Variants in ARMH3 observed in about 807,000 individuals in gnomAD.
ARMH3 encodes the protein armadillo-like helical domain-containing protein 3.
Under a neutral mutation model 99.1 loss-of-function variants are expected in ARMH3, and 60 were observed. The observed-to-expected ratio is 0.61, with a 90% confidence interval of 0.49 to 0.75. The LOEUF (loss-of-function observed/expected upper bound fraction) is 0.75. ARMH3 is among the 30% of genes least tolerant of loss of function. The pLI, the probability that ARMH3 is intolerant of heterozygous loss-of-function variation, is 0.00. For synonymous variants in ARMH3, 285 were observed against 292.8 expected (o/e 0.97, Z 0.27); for missense variants, 679 against 843.1 (o/e 0.81, Z 2.41).
At chr10:101,984,632 A>G (rs1274405701) in intron 19 of ARMH3, among the ~76,000 whole-genome samples, 5 of 152,036 alleles carry the variant, frequency 3.3e-5, no homozygotes, top group Non-Finnish European at 7.4e-5. Flanking sequence ...ATCTATCCAC[A>G]TCCACTCCAG....
intron 13 of ARMH3, among the ~76,000 whole-genome samples, chr10:102,008,525 A>G (rs554629417): frequency 2.7e-5 from 4 of 150,740 alleles, no homozygotes; most frequent in Non-Finnish European, 4.4e-5. Flanking sequence ...TTGTTTTTTT[A>G]TTTTGTTTTA....
intron 10 of ARMH3, among the ~76,000 whole-genome samples, chr10:102,012,420 G>A (rs748743684): frequency 6.6e-6 from 1 of 152,102 alleles, no homozygotes. Context: ...TGTCAAACTA[G>A]GGCTACCTAA....
At chr10:102,026,494 A>G (rs1269704233) in intron 5 of ARMH3, among the ~76,000 whole-genome samples, 1 of 152,186 alleles carries the variant, frequency 6.6e-6, no homozygotes, top group Non-Finnish European at 1.5e-5. Flanking sequence ...ACCCCTCAGG[A>G]GTGAGTTATA....
chr10:101,853,995 C>T (rs1370522984), intron 24 of ARMH3, among the ~76,000 whole-genome samples: 2 of 152,168 alleles, frequency 1.3e-5, no homozygotes, highest in Admixed American at 1.3e-4. Context: ...TGCCTGTAAT[C>T]CCAGCTACTC....
At chr10:101,971,457 G>C (rs999925287) in intron 20 of ARMH3, among the ~76,000 whole-genome samples, 2 of 151,994 alleles carry the variant, frequency 1.3e-5, no homozygotes. Context: ...TTAAGTCCCA[G>C]CTACTTGGGG....
At chr10:102,037,565 ATTTAT>A (rs1022809129) in intron 2 of ARMH3, among the ~76,000 whole-genome samples, 2 of 151,338 alleles carry the variant, frequency 1.3e-5, no homozygotes, top group African/African-American at 4.9e-5. Flanking sequence ...TAAATTAATT[ATTTAT>A]TTTATTTATT....
intron 8 of ARMH3, among the ~76,000 whole-genome samples, chr10:102,020,405 G>A (rs189992539): frequency 1.1e-4 from 16 of 151,990 alleles, no homozygotes; most frequent in Admixed American, 5.9e-4. Flanking sequence ...GGCCGGGCGC[G>A]GTGGCTCACA....
chr10:102,023,406 G>T, intron 8 of ARMH3, 71 bp downstream of exon 8: 2 of 1,367,834 alleles, frequency 1.5e-6, no homozygotes, highest in Non-Finnish European at 2.0e-6. Flanking sequence ...ATTAAGCAAA[G>T]TCCTTTAGGA....
chr10:102,017,151 T>G (rs2066767735), intron 8 of ARMH3, among the ~76,000 whole-genome samples: 1 of 152,240 alleles, frequency 6.6e-6, no homozygotes, highest in Non-Finnish European at 1.5e-5. Flanking sequence ...CACTGCCTCA[T>G]GCTAGTTTGC....
chr10:101,909,926 T>C (rs1274533515), intron 23 of ARMH3, among the ~76,000 whole-genome samples: 1 of 152,174 alleles, frequency 6.6e-6, no homozygotes, highest in Non-Finnish European at 1.5e-5. Context: ...TTTGGGTACT[T>C]TGGGTAAAAT....
At chr10:102,045,509 G>GGAAT (rs1468400800) in intron 1 of ARMH3, among the ~76,000 whole-genome samples, 1 of 152,144 alleles carries the variant, frequency 6.6e-6, no homozygotes, top group African/African-American at 2.4e-5. Flanking sequence ...TGTTCGAGAT[G>GGAAT]GAATGTCAAG....
chr10:101,856,853 C>T (rs940595521), intron 24 of ARMH3, among the ~76,000 whole-genome samples: 2 of 152,170 alleles, frequency 1.3e-5, no homozygotes, highest in African/African-American at 4.8e-5. Context: ...CTTGCTTCTC[C>T]TTCCCATAAT....
At chr10:101,950,287 T>C (rs549343654) in intron 22 of ARMH3, among the ~76,000 whole-genome samples, 3 of 152,214 alleles carry the variant, frequency 2.0e-5, no homozygotes, top group African/African-American at 4.8e-5. Context: ...AGATCAAAAA[T>C]AGCAAGATAA....
At chr10:101,851,533 T>C (rs2066600657) in intron 24 of ARMH3, among the ~76,000 whole-genome samples, 1 of 152,096 alleles carries the variant, frequency 6.6e-6, no homozygotes, top group African/African-American at 2.4e-5. Context: ...GAAGAGGAAA[T>C]AAGCCAGAGT....
chr10:102,031,976 G>A (rs1186055988), intron 4 of ARMH3, among the ~76,000 whole-genome samples: 1 of 152,068 alleles, frequency 6.6e-6, no homozygotes, highest in African/African-American at 2.4e-5. Flanking sequence ...CTGATCTCGT[G>A]ATCCTCCCGC....
At chr10:101,945,476 G>C (rs1373458647) in intron 22 of ARMH3, among the ~76,000 whole-genome samples, 2 of 152,132 alleles carry the variant, frequency 1.3e-5, no homozygotes, top group Non-Finnish European at 2.9e-5. Flanking sequence ...CCAGCACTTT[G>C]GGAGGCTGAG....
intron 24 of ARMH3, among the ~76,000 whole-genome samples, chr10:101,887,938 T>C (rs2067592851): frequency 6.6e-6 from 1 of 151,992 alleles, no homozygotes; most frequent in South Asian, 2.1e-4. Context: ...GATTGCCTTG[T>C]GTGCCAGAAA....
Position 101,939,883 on chromosome 10 carries a change from G to C in ARMH3, c.1761C>G (p.Thr587=), listed in dbSNP as rs748255907. Residue 587 remains threonine, a synonymous_variant, in exon 23 of 26, where the codon ACC becomes ACG. Coordinates refer to ENST00000370033, the MANE Select transcript of ARMH3 (RefSeq NM_024541.3). ...GQWKEAASKV[T]HALVNIRAII... ...CTTACCTGATATTAACCAATGCATGGGTCACCTTGCTAGCTGCTTCCTTCC... is the reference window on the plus strand; with the variant it reads ...CTTACCTGATATTAACCAATGCATGCGTCACCTTGCTAGCTGCTTCCTTCC... The C allele has an allele frequency of 2.5e-6, 4 of 1,613,520 alleles. No individual in the cohort carries two copies. In the African/African-American group the frequency reaches 5.3e-5, roughly 22 times the overall value.
chr10:101,897,592 G>C (rs1286970562), intron 23 of ARMH3, among the ~76,000 whole-genome samples: 1 of 152,108 alleles, frequency 6.6e-6, no homozygotes, highest in Non-Finnish European at 1.5e-5. Context: ...GGTTTTGTTT[G>C]TGTGTTTGTT....
Sources: allele counts gnomAD v4.1 joint callset (sites outside exome capture counted in the v4.1 genomes callset), GRCh38; gene constraint gnomAD v4.1.1; transcripts MANE v1.5; gene names NCBI Gene and HGNC (gene_info 2026-07-23, HGNC 2026-07-21).